The following CDCA4 variants were observed in gnomAD, a reference collection of about 807,000 sequenced individuals.
CDCA4 encodes cell division cycle associated 4.
For missense variants in CDCA4, 294 were observed against 322.1 expected, an observed-to-expected ratio of 0.91 and a Z score of 0.67; for synonymous variants, 130 against 137.0, an observed-to-expected ratio of 0.95 and a Z score of 0.36.
At chr14:105,015,097 A>C (rs1344755722) in intron 1 of CDCA4, among the ~76,000 whole-genome samples, 2 of 152,154 alleles carry the variant, frequency 1.3e-5, no homozygotes, top group Non-Finnish European at 2.9e-5. Context: ...CCAGTTCAAG[A>C]AGCTGTCCCA....
chr14:105,011,396 T>G lies in CDCA4; in HGVS notation c.534A>C (p.Glu178Asp). Residue 178 changes from glutamate to aspartate, a missense_variant, in exon 2 of 2, where the codon GAA becomes GAC. Transcript: ENST00000336219. ...GGCTGTCCACGTCTGAGAACAGCTC[T>G]TCCATGCAGCTGGGGTTTTTAGTCT... ...TLETKNPSCMEELFSDVDSPY... is the reference protein window; with the variant it reads ...TLETKNPSCMDELFSDVDSPY... The G allele has an allele frequency of 1.9e-6, 3 of 1,614,090 alleles. No homozygotes were observed. Among genetic ancestry groups the G allele is most frequent in the Non-Finnish European group, 2.5e-6 (3 of 1,179,894 alleles).
At position 105,011,938 on chromosome 14, in the gene CDCA4, G is replaced by A. The variant is rs1243582152; in HGVS notation, c.-6-3C>T. The A allele has an allele frequency of 6.3e-7, 1 of 1,595,790 alleles. No individual in the cohort carries two copies. The highest frequency in any genetic ancestry group is 8.5e-7 in the Non-Finnish European group (1 of 1,169,726). On this transcript the variant is annotated splice_region_variant and splice_polypyrimidine_tract_variant and intron_variant, in intron 1 of 1. Coordinates refer to ENST00000336219, the MANE Select transcript of CDCA4 (RefSeq NM_017955.4). ...AGTCCTCGTGCAAACATTGTGTCCT[G>A]CAGAAACCAAGGAAGACACCACTTA...
intron 1 of CDCA4, among the ~76,000 whole-genome samples, chr14:105,019,991 G>A (rs553264539): frequency 1.3e-5 from 2 of 152,342 alleles, no homozygotes; most frequent in South Asian, 2.1e-4. Context: ...GCTGGGAGGT[G>A]TGAGCTACCG....
Position 105,011,162 on chromosome 14 carries a change from G to A in CDCA4, c.*42C>T, listed in dbSNP as rs1595451814. On this transcript the variant is annotated 3_prime_UTR_variant, in exon 2 of 2. Coordinates refer to ENST00000336219, the MANE Select transcript of CDCA4 (RefSeq NM_017955.4). ...CCTCCGTGGGAGCCAGTGCTCACGT[G>A]TCAATGCGTCAGAGGCGGCTGTGAG... 1.9e-6 allele frequency: 3 copies of A among 1,559,530 alleles called. No homozygotes were observed. The highest frequency in any genetic ancestry group is 2.7e-5 in the African/African-American group (2 of 73,750).
chr14:105,012,601 G>A (rs1456676781), intron 1 of CDCA4, among the ~76,000 whole-genome samples: 1 of 152,228 alleles, frequency 6.6e-6, no homozygotes, highest in Non-Finnish European at 1.5e-5. Flanking sequence ...CCCATGCAGC[G>A]AGTGGTCTGT....
intron 1 of CDCA4, among the ~76,000 whole-genome samples, chr14:105,014,468 C>T (rs560002381): frequency 7.0e-4 from 106 of 152,340 alleles, no homozygotes; most frequent in Non-Finnish European, 1.3e-3. Context: ...GAGCAGCATG[C>T]CAGTGTCACC....
Position 105,011,256 on chromosome 14 carries a change from T to C in CDCA4, c.674A>G (p.Lys225Arg). The C allele has an allele frequency of 6.2e-7, 1 of 1,613,552 alleles. No homozygotes were observed. The highest frequency in any genetic ancestry group is 8.5e-7 in the Non-Finnish European group (1 of 1,179,860). Reference sequence around the variant, plus strand: ...GTGGTCCAGCTCGCCCAGGTCGGACTTGCAGCTGGAGCTAGGGCCTGGGGT... The same window carrying C: ...GTGGTCCAGCTCGCCCAGGTCGGACCTGCAGCTGGAGCTAGGGCCTGGGGT... ...PATPGPSSSC[K>R]SDLGELDHVV... Residue 225 changes from lysine to arginine, a missense_variant, in exon 2 of 2, where the codon AAG (lysine) becomes AGG (arginine). Physicochemically the swap from Lys to Arg is conservative, Grantham distance 26. Transcript: ENST00000336219.
In CDCA4 at chr14:105,009,601, A is replaced by C. The variant is rs1245466903; in HGVS notation, c.*1603T>G. On this transcript the variant is annotated 3_prime_UTR_variant, in exon 2 of 2. Coordinates refer to ENST00000336219, the MANE Select transcript of CDCA4 (RefSeq NM_017955.4). ...GAACAAATGATGTTTCTAAAAGATAAAAATGCTATACAGAAACAAAATAGT... is the reference window on the plus strand; with the variant it reads ...GAACAAATGATGTTTCTAAAAGATACAAATGCTATACAGAAACAAAATAGT... The C allele has an allele frequency of 6.6e-6, 1 of 152,254 alleles. No individual in the cohort carries two copies. Among genetic ancestry groups the C allele is most frequent in the Non-Finnish European group, 1.5e-5 (1 of 68,048 alleles). 9.4% of individuals were successfully genotyped at this position (152,254 alleles called of 1,614,324 possible). A position where few individuals can be genotyped will look rare whatever the true frequency, so the allele number is the denominator to read the frequency against.
At chr14:105,012,002 T>A (rs1429395839) in intron 1 of CDCA4, 67 bp from the exon 2 acceptor site, 1 of 1,522,372 alleles carries the variant, frequency 6.6e-7, no homozygotes, top group Non-Finnish European at 8.8e-7. Context: ...CCCCTTGGAT[T>A]TCGTCTGACT....
chr14:105,011,957 C>G (rs1293576633), intron 1 of CDCA4, 22 bp from the exon 2 acceptor site: 1 of 1,577,150 alleles, frequency 6.3e-7, no homozygotes. Flanking sequence ...AAGGAAGACA[C>G]CACTTAGCAC....
At chr14:105,020,137 GA>G (rs1256649424) in intron 1 of CDCA4, among the ~76,000 whole-genome samples, 4 of 152,222 alleles carry the variant, frequency 2.6e-5, no homozygotes, top group Non-Finnish European at 5.9e-5. Flanking sequence ...ACTCTTCCTA[GA>G]AAAGGGGTGT....
Position 105,011,141 on chromosome 14 carries a change from C to T in CDCA4, c.*63G>A, listed in dbSNP as rs539069805. 230 of 1,521,382 alleles carry T rather than the reference C, an allele frequency of 1.5e-4. No individual in the cohort carries two copies. The African/African-American group carries it at 1.8e-3, about 12-fold the overall frequency. 94.2% of individuals were successfully genotyped at this position (1,521,382 alleles called of 1,614,324 possible). The stretch of plus-strand genomic sequence containing the variant: ...GGCCGCTGGCGGCAGGCGCACCCTC[C>T]GTGGGAGCCAGTGCTCACGTGTCAA... On this transcript the variant is annotated 3_prime_UTR_variant, in exon 2 of 2. Coordinates refer to ENST00000336219, the MANE Select transcript of CDCA4 (RefSeq NM_017955.4).
At chr14:105,018,860 C>T (rs1886151923) in intron 1 of CDCA4, among the ~76,000 whole-genome samples, 1 of 152,040 alleles carries the variant, frequency 6.6e-6, no homozygotes, top group Non-Finnish European at 1.5e-5. Context: ...CCTCAGCCTC[C>T]CGAGTAGCTA....
intron 1 of CDCA4, among the ~76,000 whole-genome samples, chr14:105,014,257 G>A (rs927407538): frequency 1.5e-4 from 23 of 152,200 alleles, no homozygotes; most frequent in Non-Finnish European, 2.8e-4. Flanking sequence ...ATGCGCCTGC[G>A]GCAGCCGTGT....
chr14:105,015,315 C>T (rs1330873942), intron 1 of CDCA4, among the ~76,000 whole-genome samples: 1 of 152,214 alleles, frequency 6.6e-6, no homozygotes, highest in African/African-American at 2.4e-5. Flanking sequence ...ACTAGCAATA[C>T]GTGACCGTCA....
At chr14:105,019,706 G>A (rs1455217525) in intron 1 of CDCA4, among the ~76,000 whole-genome samples, 6 of 139,552 alleles carry the variant, frequency 4.3e-5, no homozygotes, top group African/African-American at 1.6e-4. Flanking sequence ...GTTAATTTCA[G>A]GTATTTGGTT....
rs1437635827 is a variant in CDCA4, at chr14:105,010,057, T to C, written c.*1147A>G. 2.6e-5 allele frequency: 4 copies of C among 152,564 alleles called. No individual in the cohort carries two copies. Among genetic ancestry groups the C allele is most frequent in the African/African-American group, 9.7e-5 (4 of 41,440 alleles). The allele number at this position is 152,564 out of a possible 1,614,324, so 9.5% of individuals were successfully genotyped here. ...AGGGGTGAGGAAGTTAGAGAAAGCA[T>C]GAGAAACAGGGAGCATGTGGGGTGA... On this transcript the variant is annotated 3_prime_UTR_variant, in exon 2 of 2. Transcript: ENST00000336219.
chr14:105,019,231 G>A (rs1302102190), intron 1 of CDCA4, among the ~76,000 whole-genome samples: 2 of 152,208 alleles, frequency 1.3e-5, no homozygotes, highest in Non-Finnish European at 2.9e-5. Context: ...GACATGGCAG[G>A]TGGAACAGCC....
At chr14:105,013,013 G>A (rs887985744) in intron 1 of CDCA4, among the ~76,000 whole-genome samples, 2 of 152,232 alleles carry the variant, frequency 1.3e-5, no homozygotes, top group South Asian at 2.1e-4. Context: ...GTTTCTCGGC[G>A]TATGCCTCAG....
Sources: allele counts gnomAD v4.1 joint callset (sites outside exome capture counted in the v4.1 genomes callset), GRCh38; gene constraint gnomAD v4.1.1; transcripts MANE v1.5; gene names NCBI Gene and HGNC (gene_info 2026-07-23, HGNC 2026-07-21).